The following CDH4 variants were observed in gnomAD, a reference collection of about 807,000 sequenced individuals.
CDH4 encodes cadherin 4.
Under a neutral mutation model 86.0 loss-of-function variants are expected in CDH4, and 33 were observed. The observed-to-expected ratio is 0.38, with a 90% CI of 0.29 to 0.51. The LOEUF is 0.51. Among genes scored for constraint, CDH4 ranks in the 20% least tolerant of loss-of-function variants. The pLI is 0.86. For missense variants in CDH4, 1,114 were observed against 1,307.4 expected (o/e 0.85, Z 2.28); for synonymous variants, 555 against 549.4 (o/e 1.01, Z -0.14).
intron 3 of CDH4, among the ~76,000 whole-genome samples, chr20:61,765,836 C>G (rs902385249): frequency 6.6e-6 from 1 of 152,058 alleles, no homozygotes; most frequent in African/African-American, 2.4e-5. Context: ...AAACCCTCAT[C>G]CAGGGAGGAG....
Position 61,417,698 on chromosome 20 carries a change from T to G in CDH4, c.169+162761T>G, listed in dbSNP as rs190801363. On this transcript the variant is annotated intron_variant, in intron 2 of 15. Coordinates refer to ENST00000614565, the MANE Select transcript of CDH4 (RefSeq NM_001794.5). This position sits in a 1 kb window ranked among gnomAD's most constrained non-coding sequence, Gnocchi z 4.0. ...GAACATGCATTTCTCCTGACTTGTA[T>G]TACTCATTTTACGGCTGGAGACAGG... 4.6e-5 allele frequency among the ~76,000 whole-genome samples: 7 copies of G among 152,320 alleles called. No individual in the cohort carries two copies. The East Asian group carries it at 1.4e-3, about 29-fold the overall frequency.
chr20:61,318,488 A>G (rs1359987813), intron 2 of CDH4, among the ~76,000 whole-genome samples: 1 of 151,942 alleles, frequency 6.6e-6, no homozygotes, highest in African/African-American at 2.4e-5. Flanking sequence ...ATTAACTGGG[A>G]CTCTCCTAAG....
chr20:61,840,401 T>C (rs1982106433), intron 4 of CDH4, among the ~76,000 whole-genome samples: 1 of 152,214 alleles, frequency 6.6e-6, no homozygotes, highest in African/African-American at 2.4e-5. Context: ...TCAAGTTCAT[T>C]TGAAACCTGG....
At chr20:61,548,111 G>A (rs2086102464) in intron 2 of CDH4, among the ~76,000 whole-genome samples, 2 of 152,204 alleles carry the variant, frequency 1.3e-5, no homozygotes, top group Admixed American at 1.3e-4. Context: ...ATGCTGGAGA[G>A]TGGGGCTGGA....
At chr20:61,390,813 G>GGT (rs1374966464) in intron 2 of CDH4, among the ~76,000 whole-genome samples, 1 of 132,916 alleles carries the variant, frequency 7.5e-6, no homozygotes, top group Non-Finnish European at 1.6e-5. Context: ...CCCATAGTGC[G>GGT]GTGTCTGGGA....
intron 3 of CDH4, among the ~76,000 whole-genome samples, chr20:61,764,472 G>A (rs1307168981): frequency 2.0e-5 from 3 of 152,182 alleles, no homozygotes; most frequent in Non-Finnish European, 2.9e-5. Flanking sequence ...CAGGAAGCCT[G>A]TACAGAGAGA....
intron 2 of CDH4, among the ~76,000 whole-genome samples, chr20:61,271,855 C>T (rs1263826106): frequency 3.9e-5 from 6 of 152,236 alleles, no homozygotes; most frequent in African/African-American, 1.4e-4. Flanking sequence ...TGCCAAGATT[C>T]TGTTTTCGGG....
At chr20:61,659,903 T>C (rs912042599) in intron 2 of CDH4, among the ~76,000 whole-genome samples, 5 of 152,204 alleles carry the variant, frequency 3.3e-5, no homozygotes, top group African/African-American at 1.2e-4. Flanking sequence ...TCCTTTGGCT[T>C]CCTCAGTCTG....
At chr20:61,854,106 C>G (rs1982871555) in intron 6 of CDH4, among the ~76,000 whole-genome samples, 1 of 152,190 alleles carries the variant, frequency 6.6e-6, no homozygotes. Flanking sequence ...CAGTGCCCAG[C>G]AAGTGACGGC....
intron 7 of CDH4, among the ~76,000 whole-genome samples, chr20:61,893,561 G>T (rs1336428367): frequency 2.2e-5 from 3 of 139,042 alleles, no homozygotes; most frequent in African/African-American, 7.8e-5. Flanking sequence ...TGAATAGAGG[G>T]ATTGTGGGTG....
chr20:61,722,503 T>TC (rs1185154284), intron 2 of CDH4, among the ~76,000 whole-genome samples: 4 of 151,998 alleles, frequency 2.6e-5, no homozygotes, highest in Non-Finnish European at 1.5e-5. Flanking sequence ...CCCAGGTGCA[T>TC]CCCCCCAGGA....
intron 3 of CDH4, among the ~76,000 whole-genome samples, chr20:61,746,116 A>G (rs1167054088): frequency 1.3e-5 from 2 of 152,156 alleles, no homozygotes; most frequent in South Asian, 2.1e-4. Flanking sequence ...CTCTAACAGC[A>G]GTGGCCCCCA....
At chr20:61,724,751 T>C (rs536304720) in intron 2 of CDH4, among the ~76,000 whole-genome samples, 5 of 152,336 alleles carry the variant, frequency 3.3e-5, no homozygotes, top group African/African-American at 1.2e-4. Context: ...TTCCTCCTGA[T>C]TTGTACACCT....
chr20:61,840,141 C>T (rs1982093855), intron 4 of CDH4, among the ~76,000 whole-genome samples: 1 of 152,102 alleles, frequency 6.6e-6, no homozygotes, highest in African/African-American at 2.4e-5. Context: ...TGGGAGAAGC[C>T]CTAATTCTGA....
Position 61,805,076 on chromosome 20 carries a change from C to T in CDH4, c.576+31894C>T, listed in dbSNP as rs914685125. Among the ~76,000 whole-genome samples the T allele has an allele frequency of 3.3e-5, 5 of 152,222 alleles. No individual in the cohort carries two copies. The South Asian group carries it at 1.0e-3, about 32-fold the overall frequency. ...ACTCCAAGTTCGTGGAAAGAGAGGT[C>T]CTTTCCTTCTTGTCATTCCAGCAAA... On this transcript the variant is annotated intron_variant, in intron 4 of 15. Coordinates refer to ENST00000614565, the MANE Select transcript of CDH4 (RefSeq NM_001794.5).
intron 2 of CDH4, among the ~76,000 whole-genome samples, chr20:61,673,673 C>T (rs1345710414): frequency 6.6e-6 from 1 of 152,170 alleles, no homozygotes; most frequent in African/African-American, 2.4e-5. Flanking sequence ...GAGGGTCTGG[C>T]GGTTGAGTGC....
intron 2 of CDH4, among the ~76,000 whole-genome samples, chr20:61,735,566 G>A (rs1195949051): frequency 1.3e-5 from 2 of 152,074 alleles, no homozygotes; most frequent in African/African-American, 4.8e-5. Context: ...GGGCCACAGG[G>A]ACCCTGAGGT....
intron 2 of CDH4, among the ~76,000 whole-genome samples, chr20:61,577,472 A>G (rs1022624431): frequency 2.0e-5 from 3 of 152,212 alleles, no homozygotes; most frequent in Non-Finnish European, 4.4e-5. Context: ...TCTTTTGTGT[A>G]TCGAACGATG....
intron 2 of CDH4, among the ~76,000 whole-genome samples, chr20:61,691,561 C>T (rs1193793579): frequency 6.6e-6 from 1 of 152,158 alleles, no homozygotes; most frequent in African/African-American, 2.4e-5. Context: ...AGAAATGCGT[C>T]AGCAGCTGAT....
Sources: gnomAD v4.1 joint callset for allele counts (sites outside exome capture counted in the v4.1 genomes callset) on GRCh38, gnomAD v4.1.1 for gene constraint, Gnocchi (gnomAD v3.1) non-coding constraint, MANE v1.5 for transcripts, NCBI Gene and HGNC (gene_info 2026-07-23, HGNC 2026-07-21) for gene names.